ERICH2: variants seen among roughly 807,000 people sequenced by gnomAD.
ERICH2 encodes the protein glutamate-rich protein 2.
Under a neutral mutation model 17.4 loss-of-function variants are expected in ERICH2, and 17 were observed. That is an observed-to-expected ratio of 0.98 (90% CI 0.67 to 1.47). ERICH2 has a LOEUF of 1.47. Ranked by LOEUF, ERICH2 falls within the 40% of genes most tolerant of loss-of-function variation. ERICH2 has a pLI of 0.00. For missense variants in ERICH2, 186 were observed against 183.2 expected, an observed-to-expected ratio of 1.01 and a Z score of -0.09; for synonymous variants, 51 against 61.1, an observed-to-expected ratio of 0.83 and a Z score of 0.77.
At chr2:170,773,016 T>G in the ERICH2 span, among the ~76,000 whole-genome samples, 1 of 152,232 alleles carries the variant, frequency 6.6e-6, no homozygotes, top group African/African-American at 2.4e-5. Flanking sequence ...GTGTTTTTGT[T>G]TTTTTGTTTT....
intron 2 of ERICH2, among the ~76,000 whole-genome samples, chr2:170,792,056 A>G (rs1701303586): frequency 6.6e-6 from 1 of 152,224 alleles, no homozygotes; most frequent in South Asian, 2.1e-4. Flanking sequence ...CATTTTTTTA[A>G]TGGAAGCAGT....
chr2:170,782,136 GT>G, upstream of ERICH2: 1 of 182,484 alleles, frequency 5.5e-6, no homozygotes, highest in South Asian at 1.9e-4. Flanking sequence ...TTAGTTTATT[GT>G]TGACATATTA....
chr2:170,794,057 C>CCTTT (rs200687721), intron 3 of ERICH2, among the ~76,000 whole-genome samples: 94 of 148,574 alleles, frequency 6.3e-4, no homozygotes, highest in Non-Finnish European at 1.2e-3. Context: ...TGTTTTCCTT[C>CCTTT]CTTTCTTTCT....
upstream of ERICH2, among the ~76,000 whole-genome samples, chr2:170,780,791 T>C (rs944622947): frequency 2.2e-4 from 34 of 152,178 alleles, no homozygotes; most frequent in African/African-American, 8.0e-4. Flanking sequence ...AATACTTTAA[T>C]TCAGGGAAGA....
At chr2:170,772,617 A>C in the ERICH2 span, among the ~76,000 whole-genome samples, 1 of 152,228 alleles carries the variant, frequency 6.6e-6, no homozygotes, top group African/African-American at 2.4e-5. Context: ...ATATTTAGTC[A>C]GTTTAAAAAA....
upstream of ERICH2, chr2:170,779,926 G>C (rs1700989151): frequency 3.1e-6 from 2 of 646,120 alleles, no homozygotes. Flanking sequence ...GCCCATGTTT[G>C]ACAAGTATAA....
upstream of ERICH2, chr2:170,782,189 A>G (rs1469079050): frequency 1.7e-5 from 8 of 457,940 alleles, no homozygotes; most frequent in East Asian, 7.7e-4. Context: ...TGTTTAAAGC[A>G]TTAAACAGAA....
chr2:170,779,714 T>C (rs1700983171), upstream of ERICH2: 2 of 430,526 alleles, frequency 4.6e-6, no homozygotes, highest in Non-Finnish European at 6.2e-6. Flanking sequence ...CTAGGACTTT[T>C]CTTACATAAT....
upstream of ERICH2, among the ~76,000 whole-genome samples, chr2:170,783,538 G>A (rs1446207247): frequency 6.6e-6 from 1 of 152,148 alleles, no homozygotes; most frequent in Non-Finnish European, 1.5e-5. Context: ...GACAGAGTGA[G>A]ACCCTGTCTC....
chr2:170,792,030 A>G (rs986977091), intron 2 of ERICH2, among the ~76,000 whole-genome samples: 5 of 152,194 alleles, frequency 3.3e-5, no homozygotes, highest in Non-Finnish European at 7.4e-5. Flanking sequence ...ATCAAAGTAT[A>G]GGGGATTTTT....
At chr2:170,778,414 T>C in the ERICH2 span, among the ~76,000 whole-genome samples, 1 of 152,198 alleles carries the variant, frequency 6.6e-6, no homozygotes. Context: ...ATACTGTTTT[T>C]GTTTATTCTA....
At chr2:170,783,886 AAC>A in intron 1 of ERICH2, 2 of 1,550,562 alleles carry the variant, frequency 1.3e-6, no homozygotes, top group Non-Finnish European at 1.7e-6. Context: ...TGGCCTGAAT[AAC>A]ACAACCGTCA....
the ERICH2 span, among the ~76,000 whole-genome samples, chr2:170,778,301 T>C: frequency 5.3e-5 from 8 of 152,328 alleles, no homozygotes; most frequent in African/African-American, 1.9e-4. Flanking sequence ...TCTCTATTTA[T>C]TCTATGAAAA....
the ERICH2 span, among the ~76,000 whole-genome samples, chr2:170,773,586 A>G: frequency 6.6e-6 from 1 of 152,370 alleles, no homozygotes; most frequent in East Asian, 1.9e-4. Context: ...TGTGACATAC[A>G]TATAAGAAGT....
upstream of ERICH2, among the ~76,000 whole-genome samples, chr2:170,781,882 T>C (rs1360512891): frequency 6.6e-6 from 1 of 152,182 alleles, no homozygotes; most frequent in Non-Finnish European, 1.5e-5. Flanking sequence ...CATTTAGCAA[T>C]GGCAAAAATC....
At chr2:170,781,504 G>A (rs1195978326), upstream of ERICH2, among the ~76,000 whole-genome samples, 1 of 151,966 alleles carries the variant, frequency 6.6e-6, no homozygotes, top group African/African-American at 2.4e-5. Context: ...CATGGTGGCA[G>A]GCGCCTGTAA....
chr2:170,773,473 T>G, the ERICH2 span, among the ~76,000 whole-genome samples: 1 of 152,226 alleles, frequency 6.6e-6, no homozygotes, highest in Non-Finnish European at 1.5e-5. Flanking sequence ...AGAAAGAATT[T>G]GATTGGTCCT....
chr2:170,790,672 T>G (rs1445674191), intron 2 of ERICH2, among the ~76,000 whole-genome samples: 3 of 148,638 alleles, frequency 2.0e-5, no homozygotes, highest in Non-Finnish European at 3.0e-5. Flanking sequence ...GGTGTGGTGG[T>G]GCATGCCTGT....
chr2:170,783,707 G>T, upstream of ERICH2: 1 of 1,334,352 alleles, frequency 7.5e-7, no homozygotes, highest in East Asian at 2.5e-5. Flanking sequence ...TGTTTGTGAA[G>T]TAAATGAGAC....
Sources: gnomAD v4.1 joint callset for allele counts (sites outside exome capture counted in the v4.1 genomes callset) on GRCh38, gnomAD v4.1.1 for gene constraint, MANE v1.5 for transcripts, NCBI Gene and HGNC (gene_info 2026-07-23, HGNC 2026-07-21) for gene names.